ERI3: variants seen among roughly 807,000 people sequenced by gnomAD.
ERI3 encodes the protein ERI1 exoribonuclease family member 3.
In ERI3, 18 loss-of-function variants were observed where a neutral mutation model predicts 44.4. The ratio of observed to expected loss-of-function variants is 0.41; its 90% CI spans 0.28 to 0.60. The LOEUF (loss-of-function observed/expected upper bound fraction) is 0.60. ERI3 is among the 20% of genes least tolerant of loss of function. The pLI, the probability that ERI3 is intolerant of heterozygous loss-of-function variation, is 0.36. For synonymous variants in ERI3, 183 were observed against 164.8 expected (o/e 1.11, Z -0.84); for missense variants, 294 against 435.5 (o/e 0.68, Z 2.89).
At chr1:44,260,602 G>T (rs570843278) in intron 7 of ERI3, among the ~76,000 whole-genome samples, 2 of 152,142 alleles carry the variant, frequency 1.3e-5, no homozygotes, top group South Asian at 2.1e-4. Flanking sequence ...ACAGGGCTTG[G>T]ATAAAAAAGA....
chr1:44,340,607 C>T (rs1415425046), intron 2 of ERI3, among the ~76,000 whole-genome samples: 1 of 152,222 alleles, frequency 6.6e-6, no homozygotes, highest in Non-Finnish European at 1.5e-5. Context: ...CATCTCTCTC[C>T]TGACTCACTG....
chr1:44,264,226 TGA>T (rs1459603340), intron 7 of ERI3, among the ~76,000 whole-genome samples: 2 of 152,182 alleles, frequency 1.3e-5, no homozygotes, highest in Non-Finnish European at 2.9e-5. Context: ...GCATTTGGAT[TGA>T]GAGAGAGGGG....
At chr1:44,239,001 C>G (rs1035649407) in intron 8 of ERI3, among the ~76,000 whole-genome samples, 9 of 151,314 alleles carry the variant, frequency 5.9e-5, no homozygotes, top group Non-Finnish European at 1.0e-4. Flanking sequence ...TATCTCTGCT[C>G]CCACCCTCCC....
At chr1:44,342,833 ATATATATATATATATATATATATATT>A (rs1324765411) in intron 2 of ERI3, among the ~76,000 whole-genome samples, 5 of 27,092 alleles carry the variant, frequency 1.8e-4, no homozygotes, top group Non-Finnish European at 2.6e-4. Flanking sequence ...ATATATATAT[ATATATATATATATATATATATATATT>A]TTTTTTTTTT....
intron 8 of ERI3, among the ~76,000 whole-genome samples, chr1:44,238,657 T>C (rs745540049): frequency 5.9e-5 from 9 of 152,056 alleles, no homozygotes; most frequent in Non-Finnish European, 1.3e-4. Flanking sequence ...GAAGGATGCC[T>C]GAGAGCCTCC....
intron 6 of ERI3, among the ~76,000 whole-genome samples, chr1:44,306,114 C>A (rs528972669): frequency 6.6e-6 from 1 of 152,326 alleles, no homozygotes; most frequent in Admixed American, 6.5e-5. Flanking sequence ...GCCTTCCCAG[C>A]AGTTATGCAG....
intron 2 of ERI3, among the ~76,000 whole-genome samples, chr1:44,341,403 T>C (rs762903505): frequency 2.6e-4 from 40 of 152,248 alleles, no homozygotes; most frequent in Non-Finnish European, 5.0e-4. Flanking sequence ...TGGCCAAGCC[T>C]GGATCCCCAG....
chr1:44,324,325 T>A (rs540833824), intron 3 of ERI3, among the ~76,000 whole-genome samples: 1 of 152,092 alleles, frequency 6.6e-6, no homozygotes, highest in South Asian at 2.1e-4. Context: ...CAAACTCAGA[T>A]ATTTCACAGT....
rs780384183 is a variant in ERI3, at chr1:44,352,853, T to G, written c.208A>C (p.Arg70=). 2.5e-6 allele frequency: 4 copies of G among 1,613,902 alleles called. No individual in the cohort carries two copies. Among genetic ancestry groups the G allele is most frequent in the Non-Finnish European group, 3.4e-6 (4 of 1,180,010 alleles). Residue 70 remains arginine (R), a synonymous_variant, in exon 2 of 9, where the codon AGA becomes CGA. Transcript: ENST00000372257. ...GACCATGCAACAGGATTCTCACCTC[T>G]CCTTACTTCGAAGATGCCAAGACCG... ...AAGLGIFEVR[R]VLDASGCSML...
At chr1:44,340,149 CAA>C (rs35880098) in intron 2 of ERI3, among the ~76,000 whole-genome samples, 7,659 of 121,106 alleles carry the variant, frequency 0.063, 231 homozygotes, top group Non-Finnish European at 0.073. Flanking sequence ...TGAACATGTG[CAA>C]AAAAAAAAAA....
chr1:44,225,947 A>G (rs1341105879), intron 8 of ERI3, among the ~76,000 whole-genome samples: 1 of 152,086 alleles, frequency 6.6e-6, no homozygotes, highest in East Asian at 1.9e-4. Context: ...GATGTGCAAG[A>G]CTCTGTAGCT....
intron 2 of ERI3, among the ~76,000 whole-genome samples, chr1:44,352,528 A>C (rs1017499908): frequency 1.3e-5 from 2 of 152,204 alleles, no homozygotes; most frequent in African/African-American, 2.4e-5. Flanking sequence ...TCTCAGGATA[A>C]TGGGCTATTC....
intron 8 of ERI3, among the ~76,000 whole-genome samples, chr1:44,230,063 T>C (rs1459746190): frequency 1.3e-5 from 2 of 152,154 alleles, no homozygotes; most frequent in Non-Finnish European, 2.9e-5. Context: ...AGTATCGAGC[T>C]CTATTGACTG....
chr1:44,347,660 CT>C (rs1646810964), intron 2 of ERI3, among the ~76,000 whole-genome samples: 1 of 151,850 alleles, frequency 6.6e-6, no homozygotes, highest in Non-Finnish European at 1.5e-5. Flanking sequence ...TACTTCATAA[CT>C]TTTATCTCAC....
intron 6 of ERI3, among the ~76,000 whole-genome samples, chr1:44,287,964 C>T (rs1228699263): frequency 6.6e-6 from 1 of 152,214 alleles, no homozygotes; most frequent in Non-Finnish European, 1.5e-5. Flanking sequence ...TTTTAGTTGA[C>T]ACAGGCCAGG....
intron 7 of ERI3, among the ~76,000 whole-genome samples, chr1:44,248,738 C>G (rs1644608429): frequency 7.3e-6 from 1 of 137,192 alleles, no homozygotes; most frequent in Admixed American, 7.1e-5. Context: ...GTAGGGGGAG[C>G]AGATGCTCTG....
intron 1 of ERI3, 31 bp from the exon 2 acceptor site, chr1:44,352,956 T>A (rs781401406): frequency 6.2e-7 from 1 of 1,613,230 alleles, no homozygotes. Context: ...CTGCAACAAG[T>A]CTATTTCAAT....
chr1:44,332,272 C>T (rs75261533), intron 3 of ERI3, among the ~76,000 whole-genome samples: 1 of 152,122 alleles, frequency 6.6e-6, no homozygotes, highest in Non-Finnish European at 1.5e-5. Flanking sequence ...TAGAGCTCTT[C>T]CCCACCACCA....
At chr1:44,331,992 C>T (rs1038574216) in intron 3 of ERI3, among the ~76,000 whole-genome samples, 1 of 152,144 alleles carries the variant, frequency 6.6e-6, no homozygotes, top group African/African-American at 2.4e-5. Flanking sequence ...AAATGTCTGC[C>T]CTCCTTGACT....
Sources: gnomAD v4.1 joint callset for allele counts (sites outside exome capture counted in the v4.1 genomes callset) on GRCh38, gnomAD v4.1.1 for gene constraint, MANE v1.5 for transcripts, NCBI Gene and HGNC (gene_info 2026-07-23, HGNC 2026-07-21) for gene names.